The following KAT2B variants were observed in gnomAD, a reference collection of about 807,000 sequenced individuals.
The protein encoded by KAT2B is lysine acetyltransferase 2B, also known as histone acetyltransferase KAT2B.
KAT2B carries 36 observed loss-of-function variants against 105.9 expected under a neutral mutation model. That is an observed-to-expected ratio of 0.34 (90% CI 0.26 to 0.45). The LOEUF is 0.45. Ranked by LOEUF, KAT2B falls within the 20% of genes least tolerant of loss-of-function variation. KAT2B has a pLI of 1.00. For synonymous variants in KAT2B, 397 were observed against 377.9 expected (o/e 1.05, Z -0.59); for missense variants, 820 against 1,021.6 (o/e 0.80, Z 2.69).
At chr3:20,140,509 C>CT in intron 13 of KAT2B, 145 bp downstream of exon 13, 1 of 764,960 alleles carries the variant, frequency 1.3e-6, no homozygotes, top group Admixed American at 2.8e-5. Flanking sequence ...TTCTCTCTCT[C>CT]TTTTTTGACA....
At chr3:20,111,246 C>A (rs1329612741) in intron 5 of KAT2B, among the ~76,000 whole-genome samples, 1 of 152,132 alleles carries the variant, frequency 6.6e-6, no homozygotes, top group Non-Finnish European at 1.5e-5. Flanking sequence ...TTGTTGTCCC[C>A]ATTTTACAGG....
At position 20,152,509 on chromosome 3, in the gene KAT2B, GATTA is replaced by G. The variant is rs768996722; in HGVS notation, c.2487_2490del (p.Ile830ThrfsTer60). 4 of 1,612,410 alleles carry G rather than the reference GATTA, an allele frequency of 2.5e-6. No individual in the cohort carries two copies. The highest frequency in any genetic ancestry group is 2.5e-6 in the Non-Finnish European group (3 of 1,179,044). On this transcript the variant is annotated frameshift_variant, in exon 18 of 18. Transcript: ENST00000263754. LOFTEE classifies it high-confidence loss of function. ...TTCTTCAGTAAAATTAAGGAAGCTG[GATTA>G]ATTGACAAGTGATTTTTTTTCCCCT...
chr3:20,073,512 T>C (rs17182383), intron 2 of KAT2B, among the ~76,000 whole-genome samples: 26,783 of 152,170 alleles, frequency 0.18, 3,094 homozygotes, highest in Non-Finnish European at 0.26. Context: ...TAATGTGATC[T>C]TCCCAAGAAG....
intron 17 of KAT2B, chr3:20,149,133 A>G (rs1699825539): frequency 6.6e-6 from 1 of 152,186 alleles, no homozygotes; most frequent in Non-Finnish European, 1.5e-5. Context: ...TGATTAATTG[A>G]ATCATTTGAG....
At chr3:20,042,336 T>G (rs889766907) in intron 1 of KAT2B, among the ~76,000 whole-genome samples, 4 of 152,030 alleles carry the variant, frequency 2.6e-5, no homozygotes, top group African/African-American at 9.7e-5. Flanking sequence ...CTAAGAAAGG[T>G]GCAAGCCCAG....
intron 17 of KAT2B, among the ~76,000 whole-genome samples, chr3:20,151,329 T>C (rs149248564): frequency 4.1e-4 from 63 of 152,334 alleles, no homozygotes; most frequent in African/African-American, 1.3e-3. Context: ...ATATTGTACG[T>C]ACATTTACTT....
intron 2 of KAT2B, among the ~76,000 whole-genome samples, chr3:20,090,877 C>G (rs1698705600): frequency 6.6e-6 from 1 of 151,952 alleles, no homozygotes; most frequent in Non-Finnish European, 1.5e-5. Flanking sequence ...GTAGCTGGGA[C>G]TACAGGCATG....
rs1260206299 is a variant in KAT2B at position 20,040,645 on chromosome 3, G to C, written c.168G>C (p.Thr56=). 18 of 1,453,418 alleles carry C rather than the reference G, an allele frequency of 1.2e-5. No homozygotes were observed. Among genetic ancestry groups the C allele is most frequent in the African/African-American group, 1.5e-5 (1 of 67,904 alleles). The allele number at this position is 1,453,418 out of a possible 1,614,324, so 90.0% of individuals were successfully genotyped here. A position where few individuals can be genotyped will look rare whatever the true frequency, so the allele number is the denominator to read the frequency against. The part of the protein sequence containing the change: ...AGGSGACGPA[T]AVAAAGTAEG... ...GCTCGGGCGCCTGCGGTCCGGCGAC[G>C]GCAGTGGCTGCAGCGGGCACGGCCG... The change falls in exon 1 of 18, where the codon ACG becomes ACC. Residue 56 remains threonine (T), a synonymous_variant. Coordinates refer to ENST00000263754, the MANE Select transcript of KAT2B (RefSeq NM_003884.5).
At chr3:20,054,291 G>A (rs1697967804) in intron 1 of KAT2B, among the ~76,000 whole-genome samples, 1 of 151,958 alleles carries the variant, frequency 6.6e-6, no homozygotes, top group South Asian at 2.1e-4. Flanking sequence ...ACCATACGCA[G>A]CTAATTTTTG....
chr3:20,132,354 C>G (rs1374467876), intron 11 of KAT2B, among the ~76,000 whole-genome samples: 2 of 152,122 alleles, frequency 1.3e-5, no homozygotes, highest in Non-Finnish European at 2.9e-5. Context: ...GCCTGGGCAA[C>G]AAGAGTGAAA....
In KAT2B at chr3:20,152,352, C is replaced by T. The variant is rs769126094; in HGVS notation, c.2326C>T (p.Arg776Cys). The change falls in exon 18 of 18, where the codon CGC (arginine) becomes TGC (cysteine). Residue 776 changes from arginine (R) to cysteine (C), a missense_variant. Arg to Cys is a radical substitution (Grantham distance 180). This residue lies in a region of KAT2B where 227 missense variants were observed against 292.9 expected (regional missense o/e 0.77). Transcript: ENST00000263754. ...TGCAGATCTGAAAACCATGAGTGAACGCCTCAAGAATAGGTACTACGTGTC... is the reference window on the plus strand; with the variant it reads ...TGCAGATCTGAAAACCATGAGTGAATGCCTCAAGAATAGGTACTACGTGTC... The part of the protein sequence containing the change: ...FPMDLKTMSE[R>C]LKNRYYVSKK... 6 of 1,611,820 alleles carry T rather than the reference C, an allele frequency of 3.7e-6. No individual in the cohort carries two copies. The highest frequency in any genetic ancestry group is 2.2e-5 in the East Asian group (1 of 44,822).
chr3:20,098,726 T>A (rs1233898259), intron 3 of KAT2B, among the ~76,000 whole-genome samples: 1 of 152,236 alleles, frequency 6.6e-6, no homozygotes, highest in Non-Finnish European at 1.5e-5. Flanking sequence ...CTTTAGATAT[T>A]CTTAGAAACA....
intron 12 of KAT2B, 83 bp downstream of exon 12, chr3:20,137,135 C>G: frequency 1.4e-6 from 1 of 720,408 alleles, no homozygotes; most frequent in South Asian, 1.7e-5. Context: ...ATAAGTTTCT[C>G]CCCCAGTGTT....
intron 5 of KAT2B, among the ~76,000 whole-genome samples, chr3:20,107,251 G>T: frequency 6.7e-6 from 1 of 148,298 alleles, no homozygotes; most frequent in Admixed American, 6.7e-5. Flanking sequence ...GGCTGATCTC[G>T]AACTCCTGAC....
At chr3:20,149,703 C>A (rs116523332) in intron 17 of KAT2B, among the ~76,000 whole-genome samples, 1 of 151,992 alleles carries the variant, frequency 6.6e-6, no homozygotes, top group Non-Finnish European at 1.5e-5. Context: ...ATATGCTTTT[C>A]TTTCTCTCTT....
At chr3:20,091,418 A>C (rs1028966440) in intron 2 of KAT2B, among the ~76,000 whole-genome samples, 24 of 151,102 alleles carry the variant, frequency 1.6e-4, no homozygotes, top group African/African-American at 5.4e-4. Flanking sequence ...AAGTTTGTCC[A>C]TTTTTTTTAT....
chr3:20,114,831 A>G, intron 6 of KAT2B, 51 bp from the exon 7 acceptor site: 1 of 996,112 alleles, frequency 1.0e-6, no homozygotes, highest in Non-Finnish European at 1.6e-6. Flanking sequence ...TAGGGCTGTT[A>G]TCCTTACAGT....
At chr3:20,141,537 T>C (rs1050350372) in intron 13 of KAT2B, among the ~76,000 whole-genome samples, 5 of 152,196 alleles carry the variant, frequency 3.3e-5, no homozygotes, top group Non-Finnish European at 7.3e-5. Context: ...GATACTTCTG[T>C]TATTCGTTTA....
At chr3:20,062,287 A>G (rs1314240004) in intron 1 of KAT2B, among the ~76,000 whole-genome samples, 14 of 47,024 alleles carry the variant, frequency 3.0e-4, no homozygotes, top group Non-Finnish European at 7.2e-4. Flanking sequence ...TATAAAATAT[A>G]ATATATAATA....
Sources: allele counts gnomAD v4.1 joint callset (sites outside exome capture counted in the v4.1 genomes callset), GRCh38; gene constraint gnomAD v4.1.1; regional missense constraint gnomAD v4.1.1; transcripts MANE v1.5; gene names NCBI Gene and HGNC (gene_info 2026-07-23, HGNC 2026-07-21).